The following GABRB2 variants were observed in gnomAD, a reference collection of about 807,000 sequenced individuals.
The protein encoded by GABRB2 is gamma-aminobutyric acid type A receptor subunit beta2.
In GABRB2, 16 loss-of-function variants were observed where a neutral mutation model predicts 54.7. The observed-to-expected ratio is 0.29, with a 90% CI of 0.20 to 0.44. GABRB2 has a LOEUF of 0.44. Ranked by LOEUF, GABRB2 falls within the 20% of genes least tolerant of loss-of-function variation. GABRB2 has a pLI of 1.00. For missense variants in GABRB2, 355 were observed against 644.0 expected (o/e 0.55, Z 4.86); for synonymous variants, 244 against 233.8 (o/e 1.04, Z -0.40).
At position 161,361,994 on chromosome 5, in the gene GABRB2, G is replaced by A. The variant is rs148676651; in HGVS notation, c.542-25225C>T. Among the ~76,000 whole-genome samples, 302 of 152,202 alleles carry A rather than the reference G, an allele frequency of 2.0e-3. 2 individuals are homozygous for A. Among genetic ancestry groups the A allele is most frequent in the Admixed American group, 5.2e-3 (79 of 15,286 alleles). On this transcript the variant is annotated intron_variant, in intron 5 of 9. Transcript: ENST00000393959. Reference sequence around the variant, plus strand: ...GGTCCAGTTTCAGTTTTCTGCATACGGCTAGCCAGTTTTCCCAGCACTATT... The same window carrying A: ...GGTCCAGTTTCAGTTTTCTGCATACAGCTAGCCAGTTTTCCCAGCACTATT...
intron 4 of GABRB2, among the ~76,000 whole-genome samples, chr5:161,448,497 T>C (rs1026870772): frequency 2.0e-5 from 3 of 152,148 alleles, no homozygotes; most frequent in Non-Finnish European, 4.4e-5. Context: ...CTGGGAGCCT[T>C]AGAAGTCATG....
chr5:161,415,595 TG>T (rs1756640566), intron 4 of GABRB2, among the ~76,000 whole-genome samples: 1 of 152,144 alleles, frequency 6.6e-6, no homozygotes, highest in African/African-American at 2.4e-5. Flanking sequence ...ATTCCAAGTT[TG>T]GGTTTTTTGT....
In GABRB2 at chr5:161,291,104, T is replaced by C. The variant is rs1757225643; in HGVS notation, c.*2977A>G. 1 of 152,530 alleles carries C rather than the reference T, an allele frequency of 6.6e-6. No individual in the cohort carries two copies. Among genetic ancestry groups the C allele is most frequent in the South Asian group, 2.1e-4 (1 of 4,820 alleles). The allele number at this position is 152,530 out of a possible 1,614,324, so 9.4% of individuals were successfully genotyped here. A position where few individuals can be genotyped will look rare whatever the true frequency, so the allele number is the denominator to read the frequency against. ...GTTGCATGAGTTTTCAACTCTGAAATGCATTTCATACCTACTAGCGGTCAT... is the reference window on the plus strand; with the variant it reads ...GTTGCATGAGTTTTCAACTCTGAAACGCATTTCATACCTACTAGCGGTCAT... On this transcript the variant is annotated 3_prime_UTR_variant, in exon 10 of 10. Coordinates refer to ENST00000393959, the MANE Select transcript of GABRB2 (RefSeq NM_001371727.1).
intron 4 of GABRB2, among the ~76,000 whole-genome samples, chr5:161,431,256 A>G (rs1252867725): frequency 6.6e-6 from 1 of 152,188 alleles, no homozygotes; most frequent in African/African-American, 2.4e-5. Context: ...AATCATTTGC[A>G]AATTATTGTT....
chr5:161,521,780 T>G (rs972952276), intron 3 of GABRB2, among the ~76,000 whole-genome samples: 4 of 151,852 alleles, frequency 2.6e-5, no homozygotes, highest in Non-Finnish European at 5.9e-5. Context: ...TAAACCAACT[T>G]ATGGAGGTTG....
intron 5 of GABRB2, among the ~76,000 whole-genome samples, chr5:161,408,401 A>G (rs1291620030): frequency 6.6e-6 from 1 of 152,112 alleles, no homozygotes; most frequent in South Asian, 2.1e-4. Flanking sequence ...GAGGCCAGGG[A>G]TATTGTATAT....
At chr5:161,362,902 A>T (rs1754855571) in intron 5 of GABRB2, among the ~76,000 whole-genome samples, 1 of 152,160 alleles carries the variant, frequency 6.6e-6, no homozygotes, top group Admixed American at 6.5e-5. Flanking sequence ...GGACGTGGAG[A>T]AATAGGAATG....
At chr5:161,535,980 G>A (rs1316743420) in intron 3 of GABRB2, among the ~76,000 whole-genome samples, 1 of 152,122 alleles carries the variant, frequency 6.6e-6, no homozygotes, top group East Asian at 1.9e-4. Flanking sequence ...TGTACCAGGT[G>A]ATGTCTCTGC....
intron 5 of GABRB2, among the ~76,000 whole-genome samples, chr5:161,408,930 C>T (rs1756426410): frequency 6.6e-6 from 1 of 151,942 alleles, no homozygotes; most frequent in African/African-American, 2.4e-5. Flanking sequence ...GGAATGGGAT[C>T]CTAAATTCAC....
intron 4 of GABRB2, among the ~76,000 whole-genome samples, chr5:161,416,077 T>C (rs568977645): frequency 6.6e-6 from 1 of 152,300 alleles, no homozygotes; most frequent in African/African-American, 2.4e-5. Context: ...TAGCTGGAAC[T>C]ACAGGTGTGT....
At chr5:161,435,325 T>C in intron 4 of GABRB2, among the ~76,000 whole-genome samples, 1 of 152,030 alleles carries the variant, frequency 6.6e-6, no homozygotes, top group Non-Finnish European at 1.5e-5. Flanking sequence ...GCCTTCAAGA[T>C]AAAACTGCAC....
At chr5:161,336,433 C>T (rs1462432858) in intron 6 of GABRB2, among the ~76,000 whole-genome samples, 199 bp downstream of exon 6, 4 of 152,108 alleles carry the variant, frequency 2.6e-5, no homozygotes, top group Non-Finnish European at 5.9e-5. Flanking sequence ...ATCCTCTCAG[C>T]TCTGCTGGGG....
intron 3 of GABRB2, among the ~76,000 whole-genome samples, chr5:161,474,839 C>T (rs1191565637): frequency 6.6e-6 from 1 of 151,932 alleles, no homozygotes. Context: ...TAGTCAATTA[C>T]ATACCCCAAA....
chr5:161,438,634 C>T (rs1386990244), intron 4 of GABRB2, among the ~76,000 whole-genome samples: 1 of 151,970 alleles, frequency 6.6e-6, no homozygotes, highest in African/African-American at 2.4e-5. Context: ...GTTGAGGAAA[C>T]TCAAAGAAAT....
upstream of GABRB2, chr5:161,546,921 G>A: frequency 4.3e-6 from 2 of 461,740 alleles, no homozygotes; most frequent in South Asian, 4.3e-5. Flanking sequence ...AATTTTTGTT[G>A]TTATCCTTTC....
At chr5:161,512,285 A>T (rs964508180) in intron 3 of GABRB2, among the ~76,000 whole-genome samples, 1 of 152,082 alleles carries the variant, frequency 6.6e-6, no homozygotes, top group South Asian at 2.1e-4. Flanking sequence ...AGCCCAGGCA[A>T]TACTAAGCAA....
intron 5 of GABRB2, among the ~76,000 whole-genome samples, chr5:161,394,099 C>T (rs1200411360): frequency 6.6e-6 from 1 of 151,828 alleles, no homozygotes; most frequent in Non-Finnish European, 1.5e-5. Flanking sequence ...GGAAGTAAAA[C>T]AATACATTTC....
chr5:161,370,599 C>G (rs1251132122), intron 5 of GABRB2, among the ~76,000 whole-genome samples: 1 of 152,138 alleles, frequency 6.6e-6, no homozygotes, highest in African/African-American at 2.4e-5. Flanking sequence ...TTCTTCTCTC[C>G]CAGCATTCAA....
intron 3 of GABRB2, among the ~76,000 whole-genome samples, chr5:161,465,113 C>CA (rs1758240632): frequency 6.6e-6 from 1 of 152,118 alleles, no homozygotes; most frequent in African/African-American, 2.4e-5. Context: ...CCTAGGTCCA[C>CA]ATCCCAGTAT....
Sources: allele counts gnomAD v4.1 joint callset (sites outside exome capture counted in the v4.1 genomes callset), GRCh38; gene constraint gnomAD v4.1.1; transcripts MANE v1.5; gene names NCBI Gene and HGNC (gene_info 2026-07-23, HGNC 2026-07-21).